BPIFB4: variants seen among roughly 807,000 people sequenced by gnomAD.
BPIFB4 encodes the protein BPI fold containing family B member 4.
BPIFB4 carries 62 observed loss-of-function variants against 69.2 expected under a neutral mutation model. The ratio of observed to expected loss-of-function variants is 0.90; its 90% confidence interval spans 0.73 to 1.11. The LOEUF (loss-of-function observed/expected upper bound fraction) is 1.11. BPIFB4 is among the 50% of genes least tolerant of loss of function. The pLI is 0.00. For synonymous variants in BPIFB4, 330 were observed against 332.7 expected, an observed-to-expected ratio of 0.99 and a Z score of 0.09; for missense variants, 789 against 792.0, an observed-to-expected ratio of 1.00 and a Z score of 0.04.
In BPIFB4 at chr20:33,097,772, C is replaced by G. The variant is rs760070482; in HGVS notation, c.1554C>G (p.Ile518Met). The change falls in exon 13 of 18, where the codon ATC becomes ATG. Residue 518 changes from isoleucine (I) to methionine (M), a missense_variant. Physicochemically the swap from Ile to Met is conservative, Grantham distance 10. Around this residue, in one of 3 missense-constraint regions of BPIFB4, gnomAD observed 170 missense variants for 193.6 expected, o/e 0.88. Coordinates refer to ENST00000375483, the MANE Select transcript of BPIFB4 (RefSeq NM_182519.3). The stretch of plus-strand genomic sequence containing the variant: ...AGCCCAAAGACCTGGAGACTACCAT[C>G]TGCCTCATTGACGTGGTGAGTGTCT... The part of the protein sequence containing the change: ...VSQPKDLETT[I>M]CLIDVDTEFL... The G allele has an allele frequency of 6.2e-7, 1 of 1,613,342 alleles. No individual in the cohort carries two copies. Among genetic ancestry groups the G allele is most frequent in the Non-Finnish European group, 8.5e-7 (1 of 1,179,642 alleles).
rs563675116 is a variant in BPIFB4 at position 33,102,741 on chromosome 20, G to T, written c.1638-231G>T. On this transcript the variant is annotated intron_variant, in intron 14 of 17. Transcript: ENST00000375483. ...ACTAAGGTCACAAAGCTAGTAGGTG[G>T]CAAAGCTATGATTTGAGCCTTCTCC... 4.6e-5 allele frequency among the ~76,000 whole-genome samples: 7 copies of T among 152,342 alleles called. No homozygotes were observed. The South Asian group carries it at 1.2e-3, about 27-fold the overall frequency.
Position 33,095,086 on chromosome 20 carries a change from T to G in BPIFB4, c.1345-14T>G. 6.2e-7 allele frequency: 1 copy of G among 1,607,796 alleles called. No homozygotes were observed. Among genetic ancestry groups the G allele is most frequent in the Non-Finnish European group, 8.5e-7 (1 of 1,174,208 alleles). On this transcript the variant is annotated splice_polypyrimidine_tract_variant and intron_variant, in intron 11 of 17. Coordinates refer to ENST00000375483, the MANE Select transcript of BPIFB4 (RefSeq NM_182519.3). The stretch of plus-strand genomic sequence containing the variant: ...GCCTCCAGGATTCACGTGGCCCTTC[T>G]TCTTGTCCTATAGTTTGAAGAGCTT...
chr20:33,081,728 G>A, intron 3 of BPIFB4, 96 bp downstream of exon 3: 1 of 1,497,656 alleles, frequency 6.7e-7, no homozygotes. Flanking sequence ...TGCTAGCAGA[G>A]TTCACATCGG....
intron 9 of BPIFB4, among the ~76,000 whole-genome samples, chr20:33,090,200 G>C (rs531505741): frequency 1.5e-4 from 23 of 152,346 alleles, no homozygotes; most frequent in African/African-American, 5.3e-4. Context: ...GTCTCTGATA[G>C]TGTTCCCATT....
chr20:33,086,487 C>CA (rs1228976222), intron 7 of BPIFB4, among the ~76,000 whole-genome samples: 1 of 152,202 alleles, frequency 6.6e-6, no homozygotes, highest in African/African-American at 2.4e-5. Context: ...GCCTGAGACT[C>CA]ACATCTCAGT....
intron 2 of BPIFB4, 90 bp downstream of exon 2, chr20:33,080,666 A>G (rs543459904): frequency 6.6e-6 from 1 of 152,356 alleles, no homozygotes; most frequent in East Asian, 1.9e-4. Flanking sequence ...GACTCCTCCA[A>G]AGAGATGGGA....
At chr20:33,102,752 A>G (rs191745383) in intron 14 of BPIFB4, among the ~76,000 whole-genome samples, 77 of 152,354 alleles carry the variant, frequency 5.1e-4, no homozygotes, top group African/African-American at 1.8e-3. Flanking sequence ...CAAAGCTATG[A>G]TTTGAGCCTT....
At position 33,083,399 on chromosome 20, in the gene BPIFB4, G is replaced by A; in HGVS notation, c.202G>A (p.Val68Ile). Residue 68 changes from valine to isoleucine, a missense_variant, in exon 5 of 18, where the codon GTC becomes ATC. Val to Ile is a conservative substitution (Grantham distance 29). This residue lies in a region of BPIFB4 where 611 missense variants were observed against 575.4 expected (regional missense o/e 1.06). Coordinates refer to ENST00000375483, the MANE Select transcript of BPIFB4 (RefSeq NM_182519.3). ...VGDIPYNDFH[V>I]RGPPPVYTNG... Reference sequence around the variant, plus strand: ...TGATATTCCCTACAATGACTTCCATGTCCGAGGACCCCCCCCAGTATATAC... The same window carrying A: ...TGATATTCCCTACAATGACTTCCATATCCGAGGACCCCCCCCAGTATATAC... The A allele has an allele frequency of 6.2e-7, 1 of 1,613,430 alleles. No homozygotes were observed. Among genetic ancestry groups the A allele is most frequent in the Non-Finnish European group, 8.5e-7 (1 of 1,179,606 alleles).
In BPIFB4 at chr20:33,083,606, G is replaced by A. The variant is rs202181665; in HGVS notation, c.409G>A (p.Gly137Arg). The A allele has an allele frequency of 1.7e-5, 27 of 1,614,030 alleles. No individual in the cohort carries two copies. Among genetic ancestry groups the A allele is most frequent in the Admixed American group, 1.5e-4 (9 of 60,024 alleles). The change falls in exon 5 of 18, where the codon GGG becomes AGG. Residue 137 changes from glycine to arginine, a missense_variant. Around this residue, in one of 3 missense-constraint regions of BPIFB4, gnomAD observed 611 missense variants for 575.4 expected, o/e 1.06. Transcript: ENST00000375483. ...TGCATATGGAGGCCACAGGGGCCTC[G>A]GGCGATACAGGGCAGCACCTGTGGG... ...ENAYGGHRGL[G>R]RYRAAPVGRL...
intron 7 of BPIFB4, among the ~76,000 whole-genome samples, chr20:33,087,754 A>AC (rs1555882747): frequency 6.9e-5 from 2 of 28,894 alleles, no homozygotes; most frequent in African/African-American, 2.9e-4. Context: ...ACACACACAC[A>AC]AGCATGCATG....
chr20:33,093,511 C>G (rs1339135522), intron 11 of BPIFB4, among the ~76,000 whole-genome samples: 1 of 150,090 alleles, frequency 6.7e-6, no homozygotes, highest in African/African-American at 2.5e-5. Context: ...ACCCATCCAC[C>G]GTCAACTCAT....
Position 33,092,517 on chromosome 20 carries a change from G to A in BPIFB4, c.1203G>A (p.Val401=). ...ACTACCCATTGGGGTGGCCAGCTGT[G>A]TCTCCCAAGCCGATGCCAGAGCTGC... is the stretch of plus-strand genomic sequence containing the variant. ...LIDYPLGWPA[V]SPKPMPELPP... is the part of the protein sequence containing the mutation. Residue 401 remains valine (V), a synonymous_variant, in exon 11 of 18, where the codon GTG becomes GTA. Coordinates refer to ENST00000375483, the MANE Select transcript of BPIFB4 (RefSeq NM_182519.3). The A allele has an allele frequency of 1.9e-6, 3 of 1,614,118 alleles. No individual in the cohort carries two copies. Among genetic ancestry groups the A allele is most frequent in the Non-Finnish European group, 2.5e-6 (3 of 1,180,034 alleles).
intron 16 of BPIFB4, among the ~76,000 whole-genome samples, chr20:33,107,228 A>AGGAAGGAG: frequency 6.8e-6 from 1 of 147,956 alleles, no homozygotes; most frequent in Non-Finnish European, 1.5e-5. Flanking sequence ...GAAAGAAGGA[A>AGGAAGGAG]GGAAGGAAGG....
rs961629095 is a variant in BPIFB4, at chr20:33,097,659, A to T, written c.1441A>T (p.Ile481Phe). 1 of 1,614,130 alleles carries T rather than the reference A, an allele frequency of 6.2e-7. No homozygotes were observed. The highest frequency in any genetic ancestry group is 1.3e-5 in the African/African-American group (1 of 75,058). The stretch of plus-strand genomic sequence containing the variant: ...CGAGTCCTGCCCACTTATCATCAGG[A>T]TCCAGGTGCTGAACCCACCATCTGT... ...YPESCPLIIR[I>F]QVLNPPSVML... The change falls in exon 13 of 18, where the codon ATC (isoleucine) becomes TTC (phenylalanine). Residue 481 changes from isoleucine to phenylalanine, a missense_variant. Around this residue, in one of 3 missense-constraint regions of BPIFB4, gnomAD observed 170 missense variants for 193.6 expected, o/e 0.88. Transcript: ENST00000375483.
At chr20:33,098,067 T>C (rs2424952) in intron 13 of BPIFB4, among the ~76,000 whole-genome samples, 4,647 of 152,338 alleles carry the variant, frequency 0.031, 108 homozygotes, top group Non-Finnish European at 0.054. Context: ...TTTTCTCATC[T>C]GTAACATGGA....
intron 16 of BPIFB4, 21 bp downstream of exon 16, chr20:33,104,894 C>T (rs1415451737): frequency 1.9e-6 from 3 of 1,612,732 alleles, no homozygotes; most frequent in South Asian, 1.1e-5. Context: ...GTGCCTGTGC[C>T]TCTCTGGGAG....
intron 15 of BPIFB4, among the ~76,000 whole-genome samples, chr20:33,103,483 C>T (rs956066399): frequency 2.0e-5 from 3 of 152,206 alleles, no homozygotes; most frequent in African/African-American, 7.2e-5. Context: ...CCTTCTTGCC[C>T]CTGGGTTGTG....
intron 17 of BPIFB4, among the ~76,000 whole-genome samples, chr20:33,108,271 C>T (rs374722532): frequency 1.2e-3 from 185 of 151,992 alleles, no homozygotes; most frequent in African/African-American, 4.2e-3. Context: ...TAAATATTCC[C>T]GAAGTAATTG....
intron 7 of BPIFB4, among the ~76,000 whole-genome samples, chr20:33,087,753 C>CACACACACACACACAA (rs56030970): frequency 0.068 from 9,601 of 140,652 alleles, 650 homozygotes; most frequent in African/African-American, 0.13. Flanking sequence ...CACACACACA[C>CACACACACACACACAA]AAGCATGCAT....
Sources: gnomAD v4.1 joint callset for allele counts (sites outside exome capture counted in the v4.1 genomes callset) on GRCh38, gnomAD v4.1.1 for gene constraint, gnomAD v4.1.1 regional missense constraint, MANE v1.5 for transcripts, NCBI Gene and HGNC (gene_info 2026-07-23, HGNC 2026-07-21) for gene names.